Variants in PDE3B observed in about 807,000 individuals in gnomAD.
The protein encoded by PDE3B is phosphodiesterase 3B.
Under a neutral mutation model 116.8 loss-of-function variants are expected in PDE3B, and 66 were observed. The ratio of observed to expected loss-of-function variants is 0.56; its 90% confidence interval spans 0.46 to 0.69. PDE3B has a LOEUF of 0.69. Ranked by LOEUF, PDE3B falls within the 30% of genes least tolerant of loss-of-function variation. The pLI is 0.00. For missense variants in PDE3B, 1,384 were observed against 1,368.1 expected (o/e 1.01, Z -0.18); for synonymous variants, 595 against 533.6 (o/e 1.12, Z -1.59).
At chr11:14,786,144 T>A (rs949666734) in intron 2 of PDE3B, among the ~76,000 whole-genome samples, 1 of 151,630 alleles carries the variant, frequency 6.6e-6, no homozygotes, top group Middle Eastern at 3.4e-3. Flanking sequence ...ATGCTTTGTA[T>A]GTTTAAAATT....
intron 1 of PDE3B, among the ~76,000 whole-genome samples, chr11:14,647,404 G>A (rs1853440236): frequency 6.6e-6 from 1 of 151,910 alleles, no homozygotes; most frequent in African/African-American, 2.4e-5. Flanking sequence ...GATGAATTCT[G>A]TAATATCTTC....
the PDE3B span, chr11:14,886,906 CAACT>C: frequency 6.6e-6 from 1 of 152,274 alleles, no homozygotes; most frequent in African/African-American, 2.4e-5. Context: ...CAAGTGGTAA[CAACT>C]AACCAGCTGA....
chr11:14,822,838 C>A (rs1009171989), intron 7 of PDE3B, among the ~76,000 whole-genome samples: 12 of 152,204 alleles, frequency 7.9e-5, no homozygotes, highest in Non-Finnish European at 1.5e-4. Context: ...CAGCACCTTG[C>A]AGGATAAGAC....
chr11:14,644,458 CCTT>C lies in PDE3B; in HGVS notation c.391_393del (p.Phe131del), dbSNP rs751279339. The C allele has an allele frequency of 4.6e-5, 74 of 1,613,038 alleles. No homozygotes were observed. Among genetic ancestry groups the C allele is most frequent in the African/African-American group, 1.6e-4 (12 of 74,866 alleles). ...AGCCCCCTCTTCAGCATCGCCTGTG[CCTT>C]CTTCTTCCTCACCTGCTTCCTCACC... On this transcript the variant is annotated inframe_deletion, in exon 1 of 16. Transcript: ENST00000282096.
At chr11:14,714,180 C>T (rs1044614683) in intron 1 of PDE3B, among the ~76,000 whole-genome samples, 1 of 151,784 alleles carries the variant, frequency 6.6e-6, no homozygotes, top group African/African-American at 2.4e-5. Context: ...CTATCATGCT[C>T]CAGTCCAGGG....
intron 5 of PDE3B, among the ~76,000 whole-genome samples, chr11:14,808,897 G>A (rs1859035338): frequency 1.3e-5 from 2 of 152,066 alleles, no homozygotes; most frequent in Admixed American, 1.3e-4. Flanking sequence ...CACGTTTAAG[G>A]ATCAGAAGAC....
intron 1 of PDE3B, among the ~76,000 whole-genome samples, chr11:14,662,394 A>G (rs1490358359): frequency 6.6e-6 from 1 of 152,252 alleles, no homozygotes; most frequent in Non-Finnish European, 1.5e-5. Context: ...TCTAAAAAGC[A>G]GAACGCCTCT....
chr11:14,875,720 G>A (rs1848182261), downstream of PDE3B, among the ~76,000 whole-genome samples: 1 of 152,118 alleles, frequency 6.6e-6, no homozygotes, highest in South Asian at 2.1e-4. Context: ...ATAAATTATT[G>A]GGTGTGAATA....
intron 11 of PDE3B, among the ~76,000 whole-genome samples, chr11:14,835,984 A>G (rs1434683835): frequency 6.6e-6 from 1 of 152,222 alleles, no homozygotes; most frequent in Non-Finnish European, 1.5e-5. Flanking sequence ...TAACATTACC[A>G]TACTAACCAG....
chr11:14,814,769 C>T (rs544389402), intron 5 of PDE3B, among the ~76,000 whole-genome samples: 17 of 152,068 alleles, frequency 1.1e-4, no homozygotes, highest in African/African-American at 3.4e-4. Context: ...AGGCCAGCCT[C>T]GTCAACATGG....
intron 1 of PDE3B, among the ~76,000 whole-genome samples, chr11:14,748,243 G>A (rs1856965826): frequency 6.6e-6 from 1 of 152,208 alleles, no homozygotes; most frequent in South Asian, 2.1e-4. Context: ...GTGATGGGTA[G>A]CCGTTCTGTG....
chr11:14,683,490 TCC>T (rs1216750972), intron 1 of PDE3B, among the ~76,000 whole-genome samples: 1 of 152,160 alleles, frequency 6.6e-6, no homozygotes, highest in Non-Finnish European at 1.5e-5. Flanking sequence ...TATTTTATTA[TCC>T]TTTTAATATC....
chr11:14,823,403 A>G (rs1188732842), intron 7 of PDE3B, among the ~76,000 whole-genome samples: 3 of 150,388 alleles, frequency 2.0e-5, no homozygotes, highest in African/African-American at 7.4e-5. Context: ...GGGAGGGGCA[A>G]GCTGCCATCT....
intron 1 of PDE3B, among the ~76,000 whole-genome samples, chr11:14,742,950 A>G (rs1565117986): frequency 6.6e-6 from 1 of 152,144 alleles, no homozygotes; most frequent in Non-Finnish European, 1.5e-5. Flanking sequence ...TTTGTCCCAG[A>G]GGGGCTCTCA....
chr11:14,883,048 G>A, the PDE3B span, among the ~76,000 whole-genome samples: 1 of 152,194 alleles, frequency 6.6e-6, no homozygotes, highest in South Asian at 2.1e-4. Flanking sequence ...ACAAACAAAT[G>A]GAAGAACATT....
At chr11:14,889,102 A>C in the PDE3B span, among the ~76,000 whole-genome samples, 1 of 152,096 alleles carries the variant, frequency 6.6e-6, no homozygotes, top group Non-Finnish European at 1.5e-5. Context: ...TTGAATTCAC[A>C]GACTAACACA....
At chr11:14,745,128 G>T (rs1422888030) in intron 1 of PDE3B, among the ~76,000 whole-genome samples, 1 of 152,112 alleles carries the variant, frequency 6.6e-6, no homozygotes, top group Non-Finnish European at 1.5e-5. Context: ...CCAGCCGAAG[G>T]TAGCTTTTTT....
chr11:14,692,468 C>T (rs963547102), intron 1 of PDE3B, among the ~76,000 whole-genome samples: 10 of 152,066 alleles, frequency 6.6e-5, no homozygotes, highest in Non-Finnish European at 2.9e-5. Context: ...TGTGGCAGCG[C>T]TGTGTTGAGC....
chr11:14,848,753 GATAAAA>G (rs1847670994), intron 12 of PDE3B, among the ~76,000 whole-genome samples: 1 of 152,008 alleles, frequency 6.6e-6, no homozygotes, highest in Non-Finnish European at 1.5e-5. Flanking sequence ...CTACAAAGAG[GATAAAA>G]TACCTAGCAA....
Sources: gnomAD v4.1 joint callset for allele counts (sites outside exome capture counted in the v4.1 genomes callset) on GRCh38, gnomAD v4.1.1 for gene constraint, MANE v1.5 for transcripts, NCBI Gene and HGNC (gene_info 2026-07-23, HGNC 2026-07-21) for gene names.